Variants in SRRM4 observed in about 807,000 individuals in gnomAD.
The protein encoded by SRRM4 is serine/arginine repetitive matrix 4.
Under a neutral mutation model 68.9 loss-of-function variants are expected in SRRM4, and 33 were observed. The ratio of observed to expected loss-of-function variants is 0.48; its 90% CI spans 0.36 to 0.64. The LOEUF (loss-of-function observed/expected upper bound fraction) is 0.64, where lower values mean the gene tolerates loss of function less well. Among genes scored for constraint, SRRM4 ranks in the 30% least tolerant of loss-of-function variants. The probability of loss-of-function intolerance (pLI) is 0.00; values close to 1 mark genes in which losing one functional copy is unlikely to be tolerated. For synonymous variants in SRRM4, 318 were observed against 318.8 expected (o/e 1.00, Z 0.03); for missense variants, 817 against 827.1 (o/e 0.99, Z 0.15).
At chr12:119,156,265 A>T (rs927928644) in intron 12 of SRRM4, among the ~76,000 whole-genome samples, 1 of 152,346 alleles carries the variant, frequency 6.6e-6, no homozygotes, top group South Asian at 2.1e-4. Context: ...GGCTTGCTTC[A>T]TGGGGGAAAG....
At position 119,161,533 on chromosome 12, in the gene SRRM4, A is replaced by G. The variant is rs1254533998; in HGVS notation, c.*4735A>G. 1 of 152,156 alleles carries G rather than the reference A, an allele frequency of 6.6e-6. No individual in the cohort carries two copies. Among genetic ancestry groups the G allele is most frequent in the African/African-American group, 2.4e-5 (1 of 41,436 alleles). The allele number at this position is 152,156 out of a possible 1,614,324, so 9.4% of individuals were successfully genotyped here. ...GTTGTTTTGCATTGTAAATACCATG[A>G]TGGGGGACCCCCATCAGAACATGGC... is the stretch of plus-strand genomic sequence containing the variant. On this transcript the variant is annotated 3_prime_UTR_variant, in exon 13 of 13. Transcript: ENST00000267260.
chr12:119,129,219 TG>T (rs1338477466), intron 7 of SRRM4, among the ~76,000 whole-genome samples: 1 of 123,012 alleles, frequency 8.1e-6, no homozygotes, highest in African/African-American at 2.9e-5. Context: ...TAGGGAAAAC[TG>T]TGAAACTGCT....
intron 2 of SRRM4, among the ~76,000 whole-genome samples, chr12:119,108,030 G>A (rs982261562): frequency 8.5e-5 from 13 of 152,120 alleles, no homozygotes; most frequent in African/African-American, 2.7e-4. Context: ...GTTCTCATTG[G>A]TTTCAAAGAA....
chr12:119,045,579 TC>T (rs1188156498), intron 1 of SRRM4, among the ~76,000 whole-genome samples: 1 of 150,694 alleles, frequency 6.6e-6, no homozygotes, highest in Non-Finnish European at 1.5e-5. Flanking sequence ...CTGGTGGTAA[TC>T]GGTTGGGAAC....
chr12:119,054,112 T>A (rs1953762363), intron 1 of SRRM4, among the ~76,000 whole-genome samples: 1 of 152,228 alleles, frequency 6.6e-6, no homozygotes, highest in Admixed American at 6.5e-5. Context: ...TATTTTTAGA[T>A]TCCACAAACA....
intron 1 of SRRM4, among the ~76,000 whole-genome samples, chr12:119,045,898 C>T (rs1021206831): frequency 3.2e-4 from 48 of 151,892 alleles, no homozygotes; most frequent in African/African-American, 1.1e-3. Flanking sequence ...ATTAGCCAGG[C>T]GTGGTGGTGT....
intron 1 of SRRM4, among the ~76,000 whole-genome samples, chr12:119,081,206 A>T (rs1320782374): frequency 4.6e-5 from 7 of 152,244 alleles, no homozygotes; most frequent in Admixed American, 2.6e-4. Flanking sequence ...AAATGATCAT[A>T]TTATATTACA....
intron 1 of SRRM4, among the ~76,000 whole-genome samples, chr12:119,066,698 C>T (rs4767763): frequency 0.55 from 83,062 of 152,084 alleles, 23,688 homozygotes; most frequent in Middle Eastern, 0.66. Flanking sequence ...CAGCCCTTCA[C>T]CTGATGTTCC....
At chr12:119,133,366 A>G (rs1487168300) in intron 8 of SRRM4, among the ~76,000 whole-genome samples, 1 of 152,206 alleles carries the variant, frequency 6.6e-6, no homozygotes, top group Non-Finnish European at 1.5e-5. Flanking sequence ...TAGTAGTAGC[A>G]GTGGTAATAG....
intron 1 of SRRM4, among the ~76,000 whole-genome samples, chr12:119,072,982 CA>C (rs762072457): frequency 1.3e-5 from 2 of 151,878 alleles, no homozygotes; most frequent in African/African-American, 2.4e-5. Flanking sequence ...TCATTGCCTC[CA>C]AAAGAGAACA....
At chr12:119,041,606 T>C (rs1953669433) in intron 1 of SRRM4, among the ~76,000 whole-genome samples, 1 of 152,238 alleles carries the variant, frequency 6.6e-6, no homozygotes, top group Non-Finnish European at 1.5e-5. Context: ...AGTCAGGTGA[T>C]AAGGTGAAGC....
intron 1 of SRRM4, among the ~76,000 whole-genome samples, chr12:119,008,058 A>G (rs1229986496): frequency 2.0e-5 from 3 of 152,204 alleles, no homozygotes; most frequent in Non-Finnish European, 4.4e-5. Context: ...GTGGGTGCTC[A>G]GCGGTGAGGC....
chr12:119,088,533 T>C (rs751487686), intron 1 of SRRM4, among the ~76,000 whole-genome samples: 4 of 152,234 alleles, frequency 2.6e-5, no homozygotes, highest in Non-Finnish European at 5.9e-5. Context: ...TAAGGTATTA[T>C]CATCCTCATC....
chr12:119,045,494 GC>G (rs1337858783), intron 1 of SRRM4, among the ~76,000 whole-genome samples: 1 of 15,400 alleles, frequency 6.5e-5, no homozygotes, highest in African/African-American at 2.3e-4. Flanking sequence ...GCTCCCCCCC[GC>G]CCCAAAACAC....
intron 1 of SRRM4, among the ~76,000 whole-genome samples, chr12:119,071,097 A>T (rs1414188425): frequency 2.0e-5 from 3 of 152,150 alleles, no homozygotes; most frequent in African/African-American, 4.8e-5. Context: ...AATCACTTAC[A>T]TGTTTGTCCT....
intron 1 of SRRM4, among the ~76,000 whole-genome samples, chr12:119,088,407 A>C (rs1953992785): frequency 6.6e-6 from 1 of 152,168 alleles, no homozygotes; most frequent in Non-Finnish European, 1.5e-5. Flanking sequence ...ACCAAGCAGA[A>C]ATTATTTCTT....
At chr12:119,083,496 A>G (rs1360488620) in intron 1 of SRRM4, among the ~76,000 whole-genome samples, 1 of 152,084 alleles carries the variant, frequency 6.6e-6, no homozygotes. Context: ...TCTGAGGTCT[A>G]TAGCCTGCAC....
chr12:119,041,043 C>T (rs1419167525), intron 1 of SRRM4, among the ~76,000 whole-genome samples: 1 of 152,106 alleles, frequency 6.6e-6, no homozygotes, highest in Non-Finnish European at 1.5e-5. Context: ...AGTCACCATG[C>T]CTGGTGGTTG....
intron 5 of SRRM4, among the ~76,000 whole-genome samples, chr12:119,120,740 T>A (rs1350902708): frequency 2.0e-5 from 3 of 151,666 alleles, no homozygotes; most frequent in Non-Finnish European, 4.4e-5. Context: ...GTAGATGTTT[T>A]TAATTCTCAT....
Sources: gnomAD v4.1 joint callset for allele counts (sites outside exome capture counted in the v4.1 genomes callset) on GRCh38, gnomAD v4.1.1 for gene constraint, MANE v1.5 for transcripts, NCBI Gene and HGNC (gene_info 2026-07-23, HGNC 2026-07-21) for gene names.